The following SNX13 variants were observed in gnomAD, a reference collection of about 807,000 sequenced individuals.
The protein encoded by SNX13 is sorting nexin 13.
In SNX13, 45 loss-of-function variants were observed where a neutral mutation model predicts 133.6. The observed-to-expected ratio is 0.34, with a 90% CI of 0.27 to 0.43. The LOEUF (loss-of-function observed/expected upper bound fraction) is 0.43, where lower values mean the gene tolerates loss of function less well. SNX13 is among the 20% of genes least tolerant of loss of function. The pLI, the probability that SNX13 is intolerant of heterozygous loss-of-function variation, is 1.00. For missense variants in SNX13, 1,032 were observed against 1,145.1 expected (o/e 0.90, Z 1.43); for synonymous variants, 414 against 373.9 (o/e 1.11, Z -1.24).
rs1409298741 is a variant in SNX13 at position 17,805,246 on chromosome 7, TGTGTGC to T, written c.2065-1672_2065-1667del. ...GTGTGTGTGTGTGTGTGTGTGTGTG[TGTGTGC>T]GTGCGCGCGCGCGCATGCATGCACA... is the stretch of plus-strand genomic sequence containing the variant. On this transcript the variant is annotated intron_variant, in intron 20 of 25. Transcript: ENST00000428135. 1.9e-3 allele frequency among the ~76,000 whole-genome samples: 186 copies of T among 100,256 alleles called. 3 individuals carry two copies. The highest frequency in any genetic ancestry group is 8.9e-3 in the Middle Eastern group (2 of 224). 65.8% of individuals were successfully genotyped at this position (100,256 alleles called of 152,430 possible).
intron 1 of SNX13, among the ~76,000 whole-genome samples, chr7:17,925,569 A>T (rs186780827): frequency 6.6e-6 from 1 of 152,360 alleles, no homozygotes; most frequent in Admixed American, 6.5e-5. Flanking sequence ...TCTAAAAAAT[A>T]AGTAATTTAA....
intron 15 of SNX13, chr7:17,831,227 A>C: frequency 1.0e-6 from 1 of 984,128 alleles, no homozygotes; most frequent in Non-Finnish European, 1.2e-6. Flanking sequence ...GTCGACATTT[A>C]ATCAAGAATT....
Position 17,794,004 on chromosome 7 carries a change from A to C in SNX13, c.*41T>G. 6.3e-7 allele frequency: 1 copy of C among 1,597,424 alleles called. No individual in the cohort carries two copies. Among genetic ancestry groups the C allele is most frequent in the Admixed American group, 1.7e-5 (1 of 58,598 alleles). ...CCCCAGAAGATCTGTCCATACCATT[A>C]GTCCTGGACAAAATGAACACCAGCT... is the stretch of plus-strand genomic sequence containing the variant. On this transcript the variant is annotated 3_prime_UTR_variant, in exon 26 of 26. Coordinates refer to ENST00000428135, the MANE Select transcript of SNX13 (RefSeq NM_015132.5).
intron 1 of SNX13, among the ~76,000 whole-genome samples, chr7:17,923,163 C>A (rs1277171328): frequency 6.6e-6 from 1 of 152,068 alleles, no homozygotes; most frequent in Non-Finnish European, 1.5e-5. Flanking sequence ...AAGGCTGTCC[C>A]AAAACTTGTA....
chr7:17,799,284 T>G lies in SNX13; in HGVS notation c.2299-130A>C, dbSNP rs577136624. ...CAAGTTACATTTTAGCCTTTGTAAC[T>G]TGACATTAAATTCTAATGTAGAAAA... On this transcript the variant is annotated intron_variant, in intron 22 of 25. Transcript: ENST00000428135. 609 of 734,800 alleles carry G rather than the reference T, an allele frequency of 8.3e-4. 5 individuals carry two copies. The highest frequency in any genetic ancestry group is 2.9e-3 in the Middle Eastern group (7 of 2,442). 45.5% of individuals were successfully genotyped at this position (734,800 alleles called of 1,614,324 possible). A position where few individuals can be genotyped will look rare whatever the true frequency, so the allele number is the denominator to read the frequency against.
intron 9 of SNX13, among the ~76,000 whole-genome samples, chr7:17,856,316 T>C (rs1791877881): frequency 6.6e-6 from 1 of 152,206 alleles, no homozygotes; most frequent in Non-Finnish European, 1.5e-5. Context: ...CAAAAACCTG[T>C]AATAGTTAAA....
At chr7:17,840,029 A>G in intron 12 of SNX13, 29 bp from the exon 13 acceptor site, 1 of 1,581,492 alleles carries the variant, frequency 6.3e-7, no homozygotes. Context: ...TAATAACATA[A>G]ATATTAGTGT....
At chr7:17,873,458 A>G (rs1287565653) in intron 8 of SNX13, 70 bp downstream of exon 8, 17 of 745,610 alleles carry the variant, frequency 2.3e-5, no homozygotes, top group Non-Finnish European at 2.6e-5. Flanking sequence ...CAGGGTCTTA[A>G]GACAAAAATT....
chr7:17,884,241 C>T (rs1795712300), intron 5 of SNX13, among the ~76,000 whole-genome samples: 1 of 152,096 alleles, frequency 6.6e-6, no homozygotes, highest in Admixed American at 6.5e-5. Flanking sequence ...TACACTAAAA[C>T]ATTAACAGTG....
At chr7:17,939,646 G>A (rs1481747331) in intron 1 of SNX13, among the ~76,000 whole-genome samples, 1 of 152,170 alleles carries the variant, frequency 6.6e-6, no homozygotes, top group Non-Finnish European at 1.5e-5. Flanking sequence ...AGTAACAAGG[G>A]GGCCACACGC....
chr7:17,868,344 A>G, intron 9 of SNX13, 63 bp downstream of exon 9: 4 of 1,212,060 alleles, frequency 3.3e-6, no homozygotes, highest in Non-Finnish European at 4.7e-6. Flanking sequence ...CTATCTCCCA[A>G]CTATATTTTT....
intron 15 of SNX13, chr7:17,830,651 T>C: frequency 1.0e-6 from 1 of 983,604 alleles, no homozygotes; most frequent in African/African-American, 1.7e-5. Context: ...CAAATTAATG[T>C]GAGAGAATAA....
chr7:17,835,190 G>A (rs959184717), intron 13 of SNX13, among the ~76,000 whole-genome samples: 6 of 151,632 alleles, frequency 4.0e-5, no homozygotes, highest in Admixed American at 2.6e-4. Context: ...ATTATTGTAA[G>A]GATTAAAAAA....
At chr7:17,902,000 A>G (rs1797891164) in intron 1 of SNX13, among the ~76,000 whole-genome samples, 1 of 152,224 alleles carries the variant, frequency 6.6e-6, no homozygotes, top group Non-Finnish European at 1.5e-5. Flanking sequence ...AATTTTCAAA[A>G]AAGAGTCAAA....
intron 20 of SNX13, among the ~76,000 whole-genome samples, chr7:17,814,567 G>A (rs1359382884): frequency 6.6e-6 from 1 of 151,942 alleles, no homozygotes; most frequent in Non-Finnish European, 1.5e-5. Context: ...CGAAAAGCTT[G>A]TGACTTGTCT....
At chr7:17,835,789 T>C (rs1024736580) in intron 13 of SNX13, among the ~76,000 whole-genome samples, 3 of 152,010 alleles carry the variant, frequency 2.0e-5, no homozygotes, top group Non-Finnish European at 2.9e-5. Context: ...AAAAGGGCTA[T>C]ACAACTTCTA....
Position 17,890,501 on chromosome 7 carries a change from G to A in SNX13, c.319-17C>T, listed in dbSNP as rs932266715. 6.6e-6 allele frequency: 10 copies of A among 1,518,388 alleles called. No homozygotes were observed. Among genetic ancestry groups the A allele is most frequent in the African/African-American group, 4.2e-5 (3 of 70,634 alleles). The allele number at this position is 1,518,388 out of a possible 1,614,324, so 94.1% of individuals were successfully genotyped here. ...CTGGATAACCTATAACAAAAATATTGGAAAAAAAATTACAACATTTTAGGA... is the reference window on the plus strand; with the variant it reads ...CTGGATAACCTATAACAAAAATATTAGAAAAAAAATTACAACATTTTAGGA... On this transcript the variant is annotated splice_polypyrimidine_tract_variant and intron_variant, in intron 4 of 25. Coordinates refer to ENST00000428135, the MANE Select transcript of SNX13 (RefSeq NM_015132.5).
At chr7:17,832,110 G>A (rs1422626241) in intron 15 of SNX13, 3 of 983,540 alleles carry the variant, frequency 3.1e-6, no homozygotes, top group Non-Finnish European at 3.6e-6. Flanking sequence ...TGATTCAAAT[G>A]TGAGGGGTTA....
At chr7:17,826,732 T>C (rs1026337251) in intron 16 of SNX13, among the ~76,000 whole-genome samples, 4 of 152,130 alleles carry the variant, frequency 2.6e-5, no homozygotes, top group Admixed American at 2.6e-4. Context: ...TAAATTCCTA[T>C]TGACTGACTC....
Sources: allele counts gnomAD v4.1 joint callset (sites outside exome capture counted in the v4.1 genomes callset), GRCh38; gene constraint gnomAD v4.1.1; transcripts MANE v1.5; gene names NCBI Gene and HGNC (gene_info 2026-07-23, HGNC 2026-07-21).